GRAMD2B: variants seen among roughly 807,000 people sequenced by gnomAD.
GRAMD2B encodes the protein GRAM domain containing 2B.
GRAMD2B carries 41 observed loss-of-function variants against 59.2 expected under a neutral mutation model. The ratio of observed to expected loss-of-function variants is 0.69; its 90% confidence interval spans 0.54 to 0.90. The LOEUF is 0.90. GRAMD2B is among the 40% of genes least tolerant of loss of function. The pLI is 0.00. For synonymous variants in GRAMD2B, 161 were observed against 182.7 expected (o/e 0.88, Z 0.96); for missense variants, 424 against 500.5 (o/e 0.85, Z 1.46).
intron 1 of GRAMD2B, among the ~76,000 whole-genome samples, chr5:126,378,604 AT>A (rs1395780570): frequency 6.6e-6 from 1 of 152,026 alleles, no homozygotes; most frequent in Non-Finnish European, 1.5e-5. Flanking sequence ...TGTTTTTTCT[AT>A]TCGTAGAACT....
intron 1 of GRAMD2B, among the ~76,000 whole-genome samples, chr5:126,446,487 C>T (rs969025409): frequency 6.6e-6 from 1 of 152,086 alleles, no homozygotes; most frequent in East Asian, 1.9e-4. Flanking sequence ...AAAACTAGAC[C>T]AGTCTGAGTG....
chr5:126,389,067 G>C (rs1042973169), intron 1 of GRAMD2B, among the ~76,000 whole-genome samples: 7 of 152,168 alleles, frequency 4.6e-5, no homozygotes. Flanking sequence ...TTATTTGCAT[G>C]GAGAAGTAGC....
chr5:126,378,904 A>G (rs1382391705), intron 1 of GRAMD2B, among the ~76,000 whole-genome samples: 2 of 151,880 alleles, frequency 1.3e-5, no homozygotes, highest in Non-Finnish European at 2.9e-5. Flanking sequence ...GAAATATTTG[A>G]CTCACTTTTT....
At chr5:126,443,962 G>A (rs546291620) in intron 1 of GRAMD2B, among the ~76,000 whole-genome samples, 273 of 152,048 alleles carry the variant, frequency 1.8e-3, no homozygotes, top group Non-Finnish European at 3.1e-3. Context: ...TGAGGCAGGA[G>A]AATCACTTGA....
At chr5:126,365,704 CTT>C (rs112763413) in intron 1 of GRAMD2B, among the ~76,000 whole-genome samples, 8 of 140,604 alleles carry the variant, frequency 5.7e-5, no homozygotes, top group Non-Finnish European at 4.7e-5. Flanking sequence ...CAAATCAGAG[CTT>C]TTTTTTTTTT....
At chr5:126,398,056 C>T (rs1479329256) in intron 1 of GRAMD2B, among the ~76,000 whole-genome samples, 1 of 118,838 alleles carries the variant, frequency 8.4e-6, no homozygotes, top group Non-Finnish European at 1.6e-5. Flanking sequence ...TGGGGTCTTG[C>T]TCTGTCACCC....
At chr5:126,491,960 C>T (rs2126995096) in intron 13 of GRAMD2B, among the ~76,000 whole-genome samples, 1 of 152,328 alleles carries the variant, frequency 6.6e-6, no homozygotes. Context: ...GTCTGGAACT[C>T]CTGACCTCGT....
intron 1 of GRAMD2B, among the ~76,000 whole-genome samples, chr5:126,413,731 T>A (rs1759029152): frequency 6.6e-6 from 1 of 152,130 alleles, no homozygotes; most frequent in Admixed American, 6.6e-5. Context: ...TGACTGTCTG[T>A]GTCTTTTTGT....
intron 1 of GRAMD2B, among the ~76,000 whole-genome samples, chr5:126,417,523 A>G (rs1759363505): frequency 6.6e-6 from 1 of 152,236 alleles, no homozygotes; most frequent in African/African-American, 2.4e-5. Context: ...AAATGACTTC[A>G]AACCCGGCCT....
Position 126,401,440 on chromosome 5 carries a change from C to A in GRAMD2B, c.125+29873C>A, listed in dbSNP as rs1484707864. On this transcript the variant is annotated intron_variant, in intron 1 of 8. Transcript: ENST00000506445. ...AATTCTTTGTCAGAAATTCATAGGT[C>A]TCCATTTCTTTGGGTTCAGTTACTG... 2.6e-5 allele frequency among the ~76,000 whole-genome samples: 4 copies of A among 152,022 alleles called. No homozygotes were observed. The East Asian group carries it at 7.7e-4, about 29-fold the overall frequency.
chr5:126,405,866 T>A (rs1047243203), intron 1 of GRAMD2B, among the ~76,000 whole-genome samples: 1 of 151,910 alleles, frequency 6.6e-6, no homozygotes, highest in Non-Finnish European at 1.5e-5. Flanking sequence ...ATGACTGATA[T>A]GGCCTAGGAG....
chr5:126,388,776 G>A (rs1171578466), intron 1 of GRAMD2B, among the ~76,000 whole-genome samples: 1 of 151,570 alleles, frequency 6.6e-6, no homozygotes, highest in Non-Finnish European at 1.5e-5. Flanking sequence ...AAAACCTATT[G>A]AATCTTTTAG....
rs376989370 is a variant in GRAMD2B, at chr5:126,486,546, C to T, written c.1059-327C>T. On this transcript the variant is annotated intron_variant, in intron 11 of 13. Coordinates refer to ENST00000285689, the MANE Select transcript of GRAMD2B (RefSeq NM_023927.4). Reference sequence around the variant, plus strand: ...CCAGAGAACATGGCTAAGATCTGCCCAGGCTCTTCTGGCAGAGGACGGTAG... The same window carrying T: ...CCAGAGAACATGGCTAAGATCTGCCTAGGCTCTTCTGGCAGAGGACGGTAG... 9.5e-4 allele frequency among the ~76,000 whole-genome samples: 144 copies of T among 152,266 alleles called. 1 individual carries two copies. The highest frequency in any genetic ancestry group is 3.3e-3 in the African/African-American group (138 of 41,542).
In GRAMD2B at chr5:126,371,673, T is replaced by C. The variant is rs547041338; in HGVS notation, c.125+106T>C. On this transcript the variant is annotated intron_variant, in intron 1 of 8. Transcript: ENST00000506445. ...CCTTTTTCATTCCTGGAGGTAGGGA[T>C]CAGCCATGGGAAGAGAAGGTGCAGC... 123 of 1,048,632 alleles carry C rather than the reference T, an allele frequency of 1.2e-4. No individual in the cohort carries two copies. In the African/African-American group the frequency reaches 1.6e-3, roughly 14 times the overall value. 65.0% of individuals were successfully genotyped at this position (1,048,632 alleles called of 1,614,324 possible). A position where few individuals can be genotyped will look rare whatever the true frequency, so the allele number is the denominator to read the frequency against.
At chr5:126,417,300 G>T (rs1759342901) in intron 1 of GRAMD2B, among the ~76,000 whole-genome samples, 1 of 152,138 alleles carries the variant, frequency 6.6e-6, no homozygotes, top group Non-Finnish European at 1.5e-5. Context: ...GGTGTTATAG[G>T]ACACATGGTC....
At chr5:126,406,425 AC>A (rs1365256485) in intron 1 of GRAMD2B, among the ~76,000 whole-genome samples, 1 of 151,930 alleles carries the variant, frequency 6.6e-6, no homozygotes, top group East Asian at 1.9e-4. Context: ...TCTCAAGCAT[AC>A]ACTCAATTTT....
chr5:126,360,219 C>G, exon 1 of GRAMD2B: 1 of 1,290,522 alleles, frequency 7.7e-7, no homozygotes, highest in Non-Finnish European at 1.1e-6. Flanking sequence ...CACTTGTGAG[C>G]GAAAAGCACA....
In GRAMD2B at chr5:126,363,475, CAT is replaced by C. The variant is rs1354898995; in HGVS notation, c.128+3017_128+3018del. ...GGTATATAATCAAGGGAATTGAAAA[CAT>C]GTGTTTGCATAAAAACTTGTACACA... On this transcript the variant is annotated intron_variant, in intron 1 of 13. Coordinates refer to the GRAMD2B transcript ENST00000513040. 2.6e-5 allele frequency among the ~76,000 whole-genome samples: 4 copies of C among 152,100 alleles called. No individual in the cohort carries two copies. The South Asian group carries it at 6.2e-4, about 24-fold the overall frequency.
upstream of GRAMD2B, among the ~76,000 whole-genome samples, chr5:126,369,775 T>C (rs1440891989): frequency 6.7e-6 from 1 of 150,060 alleles, no homozygotes; most frequent in East Asian, 1.9e-4. Flanking sequence ...GAATTGCCCC[T>C]GTTTAATCCA....
Sources: gnomAD v4.1 joint callset for allele counts (sites outside exome capture counted in the v4.1 genomes callset) on GRCh38, gnomAD v4.1.1 for gene constraint, MANE v1.5 for transcripts, NCBI Gene and HGNC (gene_info 2026-07-23, HGNC 2026-07-21) for gene names.